The following ALOX5 variants were observed in gnomAD, a reference collection of about 807,000 sequenced individuals.
The protein encoded by ALOX5 is polyunsaturated fatty acid 5-lipoxygenase.
ALOX5 carries 64 observed loss-of-function variants against 87.9 expected under a neutral mutation model. The ratio of observed to expected loss-of-function variants is 0.73; its 90% CI spans 0.60 to 0.90. ALOX5 has a LOEUF of 0.90. Among genes scored for constraint, ALOX5 ranks in the 40% least tolerant of loss-of-function variants. The pLI is 0.00. For missense variants in ALOX5, 822 were observed against 907.5 expected (o/e 0.91, Z 1.21); for synonymous variants, 388 against 355.1 (o/e 1.09, Z -1.04).
intron 2 of ALOX5, 113 bp downstream of exon 2, chr10:45,382,794 T>C (rs1410595842): frequency 1.5e-6 from 2 of 1,294,480 alleles, no homozygotes; most frequent in African/African-American, 2.9e-5. Flanking sequence ...GGGCGGGAAG[T>C]GGGAGGGCTC....
intron 7 of ALOX5, among the ~76,000 whole-genome samples, chr10:45,431,851 C>T (rs894397388): frequency 2.6e-5 from 4 of 152,058 alleles, no homozygotes; most frequent in Admixed American, 6.5e-5. Context: ...GCATTACAGG[C>T]GTGAGCTACC....
At chr10:45,442,677 T>C in intron 9 of ALOX5, 1 of 234,550 alleles carries the variant, frequency 4.3e-6, no homozygotes, top group Non-Finnish European at 8.2e-6. Flanking sequence ...TGACTGAGGG[T>C]CGTGTGCTCA....
At position 45,443,425 on chromosome 10, in the gene ALOX5, C is replaced by T. The variant is rs376874561; in HGVS notation, c.1461C>T (p.Ala487=). The T allele has an allele frequency of 3.1e-6, 5 of 1,605,178 alleles. No individual in the cohort carries two copies. The African/African-American group carries it at 4.0e-5, about 13-fold the overall frequency. Residue 487 remains alanine (A), a synonymous_variant, in exon 11 of 14, where the codon GCC becomes GCT. Coordinates refer to ENST00000374391, the MANE Select transcript of ALOX5 (RefSeq NM_000698.5). ...LVWEAIRTFT[A]EVVDIYYEGD... Reference sequence around the variant, plus strand: ...GCGCCCCCTGAGCCAGGTTCACGGCCGAGGTGGTAGACATCTACTACGAGG... The same window carrying T: ...GCGCCCCCTGAGCCAGGTTCACGGCTGAGGTGGTAGACATCTACTACGAGG...
chr10:45,405,691 A>C (rs898578092), intron 3 of ALOX5, among the ~76,000 whole-genome samples: 8 of 151,598 alleles, frequency 5.3e-5, no homozygotes, highest in Admixed American at 1.3e-4. Context: ...AATTTTGTCT[A>C]ATACTTTTAT....
At chr10:45,400,129 T>C (rs1203200343) in intron 3 of ALOX5, among the ~76,000 whole-genome samples, 1 of 152,178 alleles carries the variant, frequency 6.6e-6, no homozygotes, top group Admixed American at 6.5e-5. Flanking sequence ...GCAATTCTAC[T>C]CCTAGGCCTC....
intron 3 of ALOX5, among the ~76,000 whole-genome samples, chr10:45,405,237 A>G (rs1343787914): frequency 6.6e-6 from 1 of 152,222 alleles, no homozygotes; most frequent in East Asian, 1.9e-4. Context: ...TCATCTTAAG[A>G]AATACCGACA....
At position 45,444,210 on chromosome 10, in the gene ALOX5, A is replaced by G. The variant is rs545727554; in HGVS notation, c.1769A>G (p.Asp590Gly). ...GTGGTGACCATTGAGCAGATCGTGG[A>G]CACGCTGCCCGACCGCGGCCGCTCC... ...KGVVTIEQIV[D>G]TLPDRGRSCW... The change falls in exon 13 of 14, where the codon GAC (aspartate) becomes GGC (glycine). Residue 590 changes from aspartate (D) to glycine (G), a missense_variant. Asp to Gly is a moderately conservative substitution (Grantham distance 94). Coordinates refer to ENST00000374391, the MANE Select transcript of ALOX5 (RefSeq NM_000698.5). 1.9e-6 allele frequency: 3 copies of G among 1,555,534 alleles called. No individual in the cohort carries two copies. In the South Asian group the frequency reaches 3.6e-5, roughly 18 times the overall value.
At chr10:45,443,982 T>C in intron 12 of ALOX5, 134 bp from the exon 13 acceptor site, 1 of 1,432,320 alleles carries the variant, frequency 7.0e-7, no homozygotes. Flanking sequence ...CCAAGGGCGC[T>C]GGCCGCGGGG....
intron 4 of ALOX5, among the ~76,000 whole-genome samples, chr10:45,423,083 T>C (rs1043171505): frequency 6.6e-6 from 1 of 152,124 alleles, no homozygotes; most frequent in Non-Finnish European, 1.5e-5. Flanking sequence ...GCCATCACAC[T>C]GGGGGTCAGG....
In ALOX5 at chr10:45,374,296, T is replaced by C; in HGVS notation, c.17T>C (p.Val6Ala). 6.6e-7 allele frequency: 1 copy of C among 1,514,314 alleles called. No individual in the cohort carries two copies. The highest frequency in any genetic ancestry group is 1.4e-5 in the African/African-American group (1 of 69,208). The allele number at this position is 1,514,314 out of a possible 1,614,324, so 93.8% of individuals were successfully genotyped here. A position where few individuals can be genotyped will look rare whatever the true frequency, so the allele number is the denominator to read the frequency against. The stretch of plus-strand genomic sequence containing the variant: ...GCCCGCGCCATGCCCTCCTACACGG[T>C]CACCGTGGCCACTGGCAGCCAGTGG... MPSYT[V>A]TVATGSQWFA... Residue 6 changes from valine to alanine, a missense_variant, in exon 1 of 14, where the codon GTC becomes GCC. By Grantham distance (64) the Val-to-Ala change is moderately conservative. Transcript: ENST00000374391.
intron 2 of ALOX5, among the ~76,000 whole-genome samples, chr10:45,392,819 A>G (rs1184217244): frequency 6.6e-6 from 1 of 152,226 alleles, no homozygotes; most frequent in Non-Finnish European, 1.5e-5. Context: ...AGAATACTAT[A>G]AACAACTCTA....
At chr10:45,420,298 T>C (rs1160457114) in intron 4 of ALOX5, among the ~76,000 whole-genome samples, 1 of 152,204 alleles carries the variant, frequency 6.6e-6, no homozygotes, top group East Asian at 1.9e-4. Context: ...CATCTAAAAA[T>C]CAGACGAGGC....
chr10:45,382,145 A>T (rs1380026170), intron 1 of ALOX5, among the ~76,000 whole-genome samples: 1 of 152,240 alleles, frequency 6.6e-6, no homozygotes, highest in Non-Finnish European at 1.5e-5. Flanking sequence ...GGGCTAGGGC[A>T]GGTAACTGGG....
In ALOX5 at chr10:45,428,909, A is replaced by T. The variant is rs75811053; in HGVS notation, c.981+145A>T. 3.2e-3 allele frequency: 3,559 copies of T among 1,125,926 alleles called. 80 individuals carry two copies. The East Asian group carries it at 0.042, about 13-fold the overall frequency. The allele number at this position is 1,125,926 out of a possible 1,614,324, so 69.7% of individuals were successfully genotyped here. ...CTGCAGGCCCTGAGGTGGGCTGTCCATAGGGGCGGAGAGGGTTCTACTCCC... is the reference window on the plus strand; with the variant it reads ...CTGCAGGCCCTGAGGTGGGCTGTCCTTAGGGGCGGAGAGGGTTCTACTCCC... On this transcript the variant is annotated intron_variant, in intron 7 of 13. Transcript: ENST00000374391.
chr10:45,419,710 G>T (rs61272335), intron 4 of ALOX5, among the ~76,000 whole-genome samples: 2,397 of 151,982 alleles, frequency 0.016, 60 homozygotes, highest in African/African-American at 0.054. Flanking sequence ...CTGAACTCCC[G>T]CCTGGGCGGC....
At chr10:45,443,920 G>C in intron 12 of ALOX5, 92 bp downstream of exon 12, 11 of 1,472,340 alleles carry the variant, frequency 7.5e-6, no homozygotes, top group Non-Finnish European at 9.2e-6. Context: ...TGCACCCTCG[G>C]ACAGCCTCGG....
intron 2 of ALOX5, among the ~76,000 whole-genome samples, chr10:45,390,517 A>G (rs1840179246): frequency 6.6e-6 from 1 of 152,268 alleles, no homozygotes; most frequent in Non-Finnish European, 1.5e-5. Context: ...CAATCAAACT[A>G]GAACTCAAGA....
At chr10:45,439,825 T>A (rs1842170960) in intron 7 of ALOX5, among the ~76,000 whole-genome samples, 1 of 152,202 alleles carries the variant, frequency 6.6e-6, no homozygotes, top group Admixed American at 6.5e-5. Context: ...GTCCAGCCTC[T>A]GCTACAGGAG....
chr10:45,396,049 C>A, intron 3 of ALOX5, 113 bp downstream of exon 3: 2 of 988,692 alleles, frequency 2.0e-6, no homozygotes, highest in South Asian at 1.5e-5. Context: ...GCTGGAAAGT[C>A]ACCAAGGCAC....
Sources: allele counts gnomAD v4.1 joint callset (sites outside exome capture counted in the v4.1 genomes callset), GRCh38; gene constraint gnomAD v4.1.1; transcripts MANE v1.5; gene names NCBI Gene and HGNC (gene_info 2026-07-23, HGNC 2026-07-21).